The following GSE1 variants were observed in gnomAD, a reference collection of about 807,000 sequenced individuals.
GSE1 encodes the protein Gse1 coiled-coil protein.
In GSE1, 32 loss-of-function variants were observed where a neutral mutation model predicts 112.6. The ratio of observed to expected loss-of-function variants is 0.28; its 90% CI spans 0.21 to 0.38. GSE1 has a LOEUF of 0.38. Ranked by LOEUF, GSE1 falls within the 10% of genes least tolerant of loss-of-function variation. The probability of loss-of-function intolerance (pLI) is 1.00; values close to 1 mark genes in which losing one functional copy is unlikely to be tolerated. For synonymous variants in GSE1, 1,115 were observed against 735.6 expected (o/e 1.52, Z -8.35); for missense variants, 2,348 against 1,699.2 (o/e 1.38, Z -6.71).
intron 1 of GSE1, among the ~76,000 whole-genome samples, chr16:85,233,981 C>A (rs1275412473): frequency 2.6e-5 from 4 of 152,134 alleles, no homozygotes; most frequent in Admixed American, 2.6e-4. Context: ...CTGAATGGGC[C>A]CCAGAACCAG....
intron 2 of GSE1, among the ~76,000 whole-genome samples, chr16:85,436,434 G>A (rs1446326612): frequency 1.3e-5 from 2 of 152,212 alleles, no homozygotes; most frequent in Non-Finnish European, 2.9e-5. Context: ...ACTCCAGTGC[G>A]ATTCTGCCAA....
intron 2 of GSE1, among the ~76,000 whole-genome samples, chr16:85,415,366 G>A (rs1007276461): frequency 6.6e-6 from 1 of 152,238 alleles, no homozygotes; most frequent in Non-Finnish European, 1.5e-5. Context: ...ACATGATGAT[G>A]AATGAATGAA....
intron 2 of GSE1, among the ~76,000 whole-genome samples, chr16:85,539,054 G>A (rs184470539): frequency 4.3e-4 from 66 of 152,356 alleles, no homozygotes; most frequent in African/African-American, 1.5e-3. Flanking sequence ...CGCGGGGCAT[G>A]GCTCACCTTC....
intron 1 of GSE1, among the ~76,000 whole-genome samples, chr16:85,585,362 G>A (rs542904603): frequency 9.8e-5 from 15 of 152,292 alleles, no homozygotes; most frequent in Admixed American, 4.6e-4. Flanking sequence ...CCTTTTTGGC[G>A]GTTCTTCTGT....
intron 2 of GSE1, among the ~76,000 whole-genome samples, chr16:85,519,699 A>C (rs1347319574): frequency 2.2e-5 from 2 of 89,158 alleles, no homozygotes; most frequent in African/African-American, 8.2e-5. Flanking sequence ...CCATCACCAC[A>C]GTCTCCATCA....
chr16:85,671,756 C>T (rs1487193313), intron 15 of GSE1: 2 of 154,000 alleles, frequency 1.3e-5, no homozygotes, highest in African/African-American at 4.8e-5. Flanking sequence ...AGGAGAGCAG[C>T]AGGGTTTTAT....
At chr16:85,616,072 T>G (rs952348453) in intron 1 of GSE1, among the ~76,000 whole-genome samples, 4 of 152,230 alleles carry the variant, frequency 2.6e-5, no homozygotes, top group Non-Finnish European at 5.9e-5. Context: ...AAGCCAAGCC[T>G]GCCTGTGGGC....
intron 2 of GSE1, among the ~76,000 whole-genome samples, chr16:85,451,471 G>T (rs2049679104): frequency 3.2e-5 from 4 of 123,804 alleles, no homozygotes; most frequent in African/African-American, 1.3e-4. Flanking sequence ...TGCGTGCGCT[G>T]GTGGTGGTTG....
chr16:85,221,035 G>A, intron 1 of GSE1, among the ~76,000 whole-genome samples: 1 of 150,636 alleles, frequency 6.6e-6, no homozygotes, highest in East Asian at 2.0e-4. Flanking sequence ...GCGTCCTCCG[G>A]GCTGCCCCCT....
chr16:85,359,522 G>A, intron 2 of GSE1: 2 of 414,290 alleles, frequency 4.8e-6, no homozygotes, highest in Admixed American at 2.7e-5. Flanking sequence ...GTAAGAGGGA[G>A]CCCTAATAGT....
At chr16:85,344,679 G>C (rs1015459840) in intron 1 of GSE1, among the ~76,000 whole-genome samples, 1 of 152,230 alleles carries the variant, frequency 6.6e-6, no homozygotes, top group Admixed American at 6.5e-5. Flanking sequence ...TCACAGATGG[G>C]GTAGCCAAGG....
intron 1 of GSE1, among the ~76,000 whole-genome samples, chr16:85,192,185 G>C (rs2074837502): frequency 6.6e-6 from 1 of 152,178 alleles, no homozygotes; most frequent in African/African-American, 2.4e-5. Context: ...TGTATGTTTT[G>C]GTCTTTTTCA....
chr16:85,558,313 A>G (rs538854527), intron 1 of GSE1, among the ~76,000 whole-genome samples: 19 of 152,186 alleles, frequency 1.2e-4, no homozygotes, highest in Non-Finnish European at 2.5e-4. Flanking sequence ...CCCGGCAGCT[A>G]TGCCTGCCTT....
chr16:85,622,974 G>T (rs1307638925), intron 1 of GSE1, among the ~76,000 whole-genome samples: 7 of 152,290 alleles, frequency 4.6e-5, no homozygotes, highest in African/African-American at 1.2e-4. Flanking sequence ...AGACCATAGG[G>T]AGGGGAGGGG....
intron 2 of GSE1, chr16:85,490,027 A>G (rs1489908424): frequency 6.6e-6 from 1 of 152,236 alleles, no homozygotes; most frequent in Non-Finnish European, 1.5e-5. Context: ...TGGATTTCAG[A>G]CTTCTGGGCT....
chr16:85,247,680 T>C (rs886875872), intron 1 of GSE1, among the ~76,000 whole-genome samples: 1 of 152,194 alleles, frequency 6.6e-6, no homozygotes, highest in African/African-American at 2.4e-5. Context: ...CAGCTGGCCC[T>C]GGGCAGGTCA....
At chr16:85,449,299 G>A (rs774615521) in intron 2 of GSE1, among the ~76,000 whole-genome samples, 4 of 152,326 alleles carry the variant, frequency 2.6e-5, no homozygotes, top group East Asian at 3.9e-4. Context: ...TGGCCTAACC[G>A]ACTTTTCTGG....
At chr16:85,463,078 G>A in intron 2 of GSE1, 1 of 985,064 alleles carries the variant, frequency 1.0e-6, no homozygotes. Context: ...GGGGGGCGGC[G>A]CAGGATGCTG....
chr16:85,366,839 G>A (rs1419815303), intron 2 of GSE1, among the ~76,000 whole-genome samples: 1 of 152,370 alleles, frequency 6.6e-6, no homozygotes, highest in East Asian at 1.9e-4. Context: ...TGTTAAGAGG[G>A]TCTGTTTACC....
Sources: allele counts gnomAD v4.1 joint callset (sites outside exome capture counted in the v4.1 genomes callset), GRCh38; gene constraint gnomAD v4.1.1; transcripts MANE v1.5; gene names NCBI Gene and HGNC (gene_info 2026-07-23, HGNC 2026-07-21).